FBXO34: variants seen among roughly 807,000 people sequenced by gnomAD.
The protein encoded by FBXO34 is F-box protein 34.
A neutral mutation model predicts 24.5 loss-of-function variants in FBXO34; 12 were observed. The observed-to-expected ratio is 0.49, with a 90% CI of 0.31 to 0.79. The LOEUF (loss-of-function observed/expected upper bound fraction) is 0.79, where lower values mean the gene tolerates loss of function less well. Ranked by LOEUF, FBXO34 falls within the 30% of genes least tolerant of loss-of-function variation. FBXO34 has a pLI of 0.04. For synonymous variants in FBXO34, 320 were observed against 311.9 expected (o/e 1.03, Z -0.27); for missense variants, 823 against 857.7 (o/e 0.96, Z 0.51).
chr14:55,320,982 G>T (rs989360855), intron 1 of FBXO34, among the ~76,000 whole-genome samples: 6 of 152,040 alleles, frequency 3.9e-5, no homozygotes, highest in African/African-American at 1.2e-4. Context: ...TATTAATTTT[G>T]TTATAGTTTT....
chr14:55,412,049 A>G, the FBXO34 span, among the ~76,000 whole-genome samples: 20 of 152,352 alleles, frequency 1.3e-4, no homozygotes, highest in East Asian at 3.1e-3. Flanking sequence ...TCGGCCAAAC[A>G]AAATGTCATC....
At chr14:55,421,060 CAAAA>C in the FBXO34 span, among the ~76,000 whole-genome samples, 1 of 107,588 alleles carries the variant, frequency 9.3e-6, no homozygotes. Context: ...GAATCTGTCT[CAAAA>C]AAAAAAAAAA....
chr14:55,331,227 G>C (rs1883522299), intron 1 of FBXO34, among the ~76,000 whole-genome samples: 1 of 152,096 alleles, frequency 6.6e-6, no homozygotes. Context: ...ATATTTGGAG[G>C]AGACTGGCTA....
chr14:55,417,107 T>C, the FBXO34 span, among the ~76,000 whole-genome samples: 1 of 152,176 alleles, frequency 6.6e-6, no homozygotes, highest in Non-Finnish European at 1.5e-5. Context: ...AGAGAAACGA[T>C]TTTAGACATA....
the FBXO34 span, among the ~76,000 whole-genome samples, chr14:55,381,617 A>G: frequency 6.6e-6 from 1 of 152,256 alleles, no homozygotes; most frequent in African/African-American, 2.4e-5. Flanking sequence ...GAATCTTGAA[A>G]ACATTACGCT....
At chr14:55,373,718 C>G (rs1009884978), downstream of FBXO34, among the ~76,000 whole-genome samples, 1 of 151,858 alleles carries the variant, frequency 6.6e-6, no homozygotes, top group Non-Finnish European at 1.5e-5. Flanking sequence ...CTCAGCCTCC[C>G]AAAGTGCTGG....
chr14:55,284,601 G>A (rs1594725219), intron 1 of FBXO34, among the ~76,000 whole-genome samples: 1 of 143,556 alleles, frequency 7.0e-6, no homozygotes, highest in South Asian at 2.3e-4. Context: ...GAGTGTTTGT[G>A]GTTACCTAAA....
chr14:55,414,118 TG>T, the FBXO34 span: 7 of 562,974 alleles, frequency 1.2e-5, no homozygotes, highest in Non-Finnish European at 1.3e-5. Context: ...TGAGTCTTCA[TG>T]ATGCTACAAT....
At chr14:55,334,638 A>G (rs971827521) in intron 1 of FBXO34, among the ~76,000 whole-genome samples, 2 of 152,194 alleles carry the variant, frequency 1.3e-5, no homozygotes, top group African/African-American at 4.8e-5. Context: ...CTCACAAAGC[A>G]GAGAGGAAAA....
the FBXO34 span, among the ~76,000 whole-genome samples, chr14:55,442,329 C>T: frequency 6.7e-6 from 1 of 149,780 alleles, no homozygotes. Flanking sequence ...GCCGAGGTTG[C>T]AATGAGCCCA....
chr14:55,365,953 A>C (rs947005901), downstream of FBXO34, among the ~76,000 whole-genome samples: 2 of 152,170 alleles, frequency 1.3e-5, no homozygotes, highest in Admixed American at 1.3e-4. Flanking sequence ...GTTATAAAAA[A>C]TAAGGGTGTT....
chr14:55,411,840 G>C, the FBXO34 span: 1 of 1,566,400 alleles, frequency 6.4e-7, no homozygotes. Context: ...TGAGAGGAGA[G>C]CCAGTCACGT....
chr14:55,425,990 G>A, the FBXO34 span, among the ~76,000 whole-genome samples: 63 of 152,250 alleles, frequency 4.1e-4, 1 homozygote, highest in African/African-American at 1.3e-3. Flanking sequence ...AGAGGGGGCC[G>A]GGTGCGGTGG....
chr14:55,336,839 C>G (rs1883793638), intron 1 of FBXO34, among the ~76,000 whole-genome samples: 1 of 144,904 alleles, frequency 6.9e-6, no homozygotes, highest in African/African-American at 2.5e-5. Flanking sequence ...AAAAAAAATG[C>G]TATACACATA....
At chr14:55,282,111 C>G (rs950830984) in intron 1 of FBXO34, among the ~76,000 whole-genome samples, 2 of 151,178 alleles carry the variant, frequency 1.3e-5, no homozygotes, top group East Asian at 3.9e-4. Context: ...ATTCCCCTGC[C>G]TCAGCCTCCC....
intron 1 of FBXO34, among the ~76,000 whole-genome samples, chr14:55,279,762 C>G (rs1881470972): frequency 6.6e-6 from 1 of 152,164 alleles, no homozygotes; most frequent in Non-Finnish European, 1.5e-5. Context: ...ACCTCTGGAG[C>G]TGGGGGTCAT....
At chr14:55,437,432 C>CT in the FBXO34 span, among the ~76,000 whole-genome samples, 1 of 152,214 alleles carries the variant, frequency 6.6e-6, no homozygotes, top group South Asian at 2.1e-4. Context: ...GAGTCGAGAT[C>CT]ATGCTACTGC....
chr14:55,335,754 T>G (rs2140058710), intron 1 of FBXO34, among the ~76,000 whole-genome samples: 1 of 152,336 alleles, frequency 6.6e-6, no homozygotes, highest in African/African-American at 2.4e-5. Flanking sequence ...TTTCCATGTT[T>G]ATGAAATGGG....
the FBXO34 span, among the ~76,000 whole-genome samples, chr14:55,417,591 C>G: frequency 6.6e-6 from 1 of 151,966 alleles, no homozygotes; most frequent in African/African-American, 2.4e-5. Context: ...TCCCAAGTAG[C>G]TGGGATTACA....
Sources: allele counts gnomAD v4.1 joint callset (sites outside exome capture counted in the v4.1 genomes callset), GRCh38; gene constraint gnomAD v4.1.1; transcripts MANE v1.5; gene names NCBI Gene and HGNC (gene_info 2026-07-23, HGNC 2026-07-21).